KIAA1549: variants seen among roughly 807,000 people sequenced by gnomAD.
KIAA1549 encodes the protein KIAA1549.
Under a neutral mutation model 156.4 loss-of-function variants are expected in KIAA1549, and 70 were observed. The observed-to-expected ratio is 0.45, with a 90% CI of 0.37 to 0.55. KIAA1549 has a LOEUF of 0.55. Ranked by LOEUF, KIAA1549 falls within the 20% of genes least tolerant of loss-of-function variation. The probability of loss-of-function intolerance (pLI) is 0.00; values close to 1 mark genes in which losing one functional copy is unlikely to be tolerated. For missense variants in KIAA1549, 2,428 were observed against 2,540.9 expected (o/e 0.96, Z 0.96); for synonymous variants, 1,103 against 1,066.4 (o/e 1.03, Z -0.67).
At chr7:138,864,549 T>C (rs1810679113) in intron 15 of KIAA1549, among the ~76,000 whole-genome samples, 2 of 152,252 alleles carry the variant, frequency 1.3e-5, no homozygotes, top group South Asian at 2.1e-4. Flanking sequence ...ATTTAGACTA[T>C]AGATGTTTCA....
At chr7:138,965,592 T>C (rs1488135658) in intron 1 of KIAA1549, among the ~76,000 whole-genome samples, 1 of 152,134 alleles carries the variant, frequency 6.6e-6, no homozygotes, top group African/African-American at 2.4e-5. Flanking sequence ...AATAAAATCA[T>C]GGTGTGGATC....
At chr7:138,933,637 T>G (rs925931936) in intron 1 of KIAA1549, among the ~76,000 whole-genome samples, 1 of 152,230 alleles carries the variant, frequency 6.6e-6, no homozygotes, top group African/African-American at 2.4e-5. Flanking sequence ...ATATGGGAAC[T>G]CTGTGCATTA....
chr7:138,878,578 C>G (rs1811153580), intron 12 of KIAA1549, among the ~76,000 whole-genome samples: 1 of 152,058 alleles, frequency 6.6e-6, no homozygotes, highest in African/African-American at 2.4e-5. Flanking sequence ...CTGAGCAACA[C>G]GGTGAAACCT....
At chr7:138,936,465 T>C (rs565933604) in intron 1 of KIAA1549, among the ~76,000 whole-genome samples, 1 of 152,190 alleles carries the variant, frequency 6.6e-6, no homozygotes, top group East Asian at 1.9e-4. Flanking sequence ...TCGCACAACT[T>C]CTGTGAGAGA....
Position 138,951,770 on chromosome 7 carries a change from T to C in KIAA1549, c.187+29313A>G, listed in dbSNP as rs142989867. Among the ~76,000 whole-genome samples the C allele has an allele frequency of 6.2e-3, 938 of 152,276 alleles. 7 individuals carry two copies. Among genetic ancestry groups the C allele is most frequent in the African/African-American group, 0.021 (868 of 41,550 alleles). On this transcript the variant is annotated intron_variant, in intron 1 of 19. Coordinates refer to ENST00000422774, the MANE Select transcript of KIAA1549 (RefSeq NM_001164665.2). Reference sequence around the variant, plus strand: ...CCAACAGAAATTCTATACATCATGATGAGAAAACTATACAAGAAAAGAACA... The same window carrying C: ...CCAACAGAAATTCTATACATCATGACGAGAAAACTATACAAGAAAAGAACA...
chr7:138,967,985 C>T (rs1452924808), intron 1 of KIAA1549, among the ~76,000 whole-genome samples: 1 of 152,228 alleles, frequency 6.6e-6, no homozygotes, highest in Non-Finnish European at 1.5e-5. Flanking sequence ...CTGAGGCTCC[C>T]AGCTCTGAGC....
intron 1 of KIAA1549, among the ~76,000 whole-genome samples, chr7:138,952,280 C>T (rs1047139645): frequency 2.0e-5 from 3 of 152,126 alleles, no homozygotes; most frequent in South Asian, 2.1e-4. Context: ...GCCAGTTGTT[C>T]GTGTAATTAT....
intron 1 of KIAA1549, among the ~76,000 whole-genome samples, chr7:138,933,032 T>C (rs1208544085): frequency 6.6e-6 from 1 of 152,152 alleles, no homozygotes; most frequent in Non-Finnish European, 1.5e-5. Flanking sequence ...GTCGCTGTGC[T>C]GAATGACTCC....
intron 1 of KIAA1549, among the ~76,000 whole-genome samples, chr7:138,965,272 A>C (rs1297370658): frequency 2.6e-5 from 4 of 152,174 alleles, no homozygotes; most frequent in African/African-American, 9.6e-5. Flanking sequence ...GATTGCAATG[A>C]ATGTATATCA....
chr7:138,913,283 T>A (rs1812221387), intron 2 of KIAA1549, among the ~76,000 whole-genome samples: 1 of 152,008 alleles, frequency 6.6e-6, no homozygotes, highest in Non-Finnish European at 1.5e-5. Context: ...AGGTGAAGAG[T>A]TTTTACCACT....
intron 1 of KIAA1549, among the ~76,000 whole-genome samples, chr7:138,979,362 C>A (rs1438778524): frequency 6.6e-6 from 1 of 152,210 alleles, no homozygotes; most frequent in Non-Finnish European, 1.5e-5. Context: ...CTCTGCAGTA[C>A]ACCCAGATGG....
chr7:138,852,139 T>C lies in KIAA1549; in HGVS notation c.5294+84A>G, dbSNP rs1810252676. ...ACGCAGAGTTTTACATCTGCTCATATTAGCTAAAATTAGTGAGTTTATAAA... is the reference window on the plus strand; with the variant it reads ...ACGCAGAGTTTTACATCTGCTCATACTAGCTAAAATTAGTGAGTTTATAAA... On this transcript the variant is annotated intron_variant, in intron 17 of 19. Coordinates refer to ENST00000422774, the MANE Select transcript of KIAA1549 (RefSeq NM_001164665.2). 4 of 859,976 alleles carry C rather than the reference T, an allele frequency of 4.7e-6. No homozygotes were observed. The Admixed American group carries it at 6.7e-5, about 14-fold the overall frequency. 53.3% of individuals were successfully genotyped at this position (859,976 alleles called of 1,614,324 possible). A position where few individuals can be genotyped will look rare whatever the true frequency, so the allele number is the denominator to read the frequency against.
chr7:138,871,095 G>T, intron 13 of KIAA1549, 62 bp downstream of exon 13: 2 of 1,500,774 alleles, frequency 1.3e-6, no homozygotes, highest in Non-Finnish European at 1.8e-6. Flanking sequence ...GGGATTACAG[G>T]CATAAGCCAC....
intron 15 of KIAA1549, among the ~76,000 whole-genome samples, chr7:138,863,485 C>T (rs1324843980): frequency 6.6e-6 from 1 of 152,068 alleles, no homozygotes; most frequent in African/African-American, 2.4e-5. Context: ...GTTCTTAACT[C>T]CAAACTGAGA....
chr7:138,903,811 G>C, intron 7 of KIAA1549, 75 bp from the exon 8 acceptor site: 1 of 200,984 alleles, frequency 5.0e-6, no homozygotes, highest in Non-Finnish European at 8.6e-6. Flanking sequence ...GTGTGTGTGT[G>C]TGTGTGTGTG....
intron 1 of KIAA1549, among the ~76,000 whole-genome samples, chr7:138,969,998 T>C (rs1012767406): frequency 3.9e-5 from 6 of 152,270 alleles, no homozygotes; most frequent in Non-Finnish European, 8.8e-5. Context: ...TAGCTGTTTT[T>C]AAATGTGCAA....
Position 138,838,089 on chromosome 7 carries a change from C to T in KIAA1549, c.5670G>A (p.Glu1890=). 1.3e-6 allele frequency: 2 copies of T among 1,575,552 alleles called. No individual in the cohort carries two copies. The highest frequency in any genetic ancestry group is 1.7e-6 in the Non-Finnish European group (2 of 1,162,742). Residue 1890 remains glutamate, a synonymous_variant, in exon 20 of 20, where the codon GAG becomes GAA. Coordinates refer to ENST00000422774, the MANE Select transcript of KIAA1549 (RefSeq NM_001164665.2). Reference sequence around the variant, plus strand: ...GGAGGTTCCCGGAAGGAGCTGAGGGCTCCCTGCCTGAAGTCCTTGGCACCT... The same window carrying T: ...GGAGGTTCCCGGAAGGAGCTGAGGGTTCCCTGCCTGAAGTCCTTGGCACCT... The part of the protein sequence containing the change: ...LFQVPRTSGR[E]PSAPSGNLPH...
intron 10 of KIAA1549, among the ~76,000 whole-genome samples, chr7:138,892,633 A>G (rs1365745165): frequency 1.3e-5 from 2 of 152,226 alleles, no homozygotes; most frequent in East Asian, 3.9e-4. Flanking sequence ...AATGCTTTTC[A>G]TGTACTTGAT....
chr7:138,947,817 C>G (rs982587295), intron 1 of KIAA1549, among the ~76,000 whole-genome samples: 3 of 151,934 alleles, frequency 2.0e-5, no homozygotes, highest in Non-Finnish European at 4.4e-5. Context: ...GGCTGCAGTA[C>G]AGTGGCACCA....
Sources: gnomAD v4.1 joint callset for allele counts (sites outside exome capture counted in the v4.1 genomes callset) on GRCh38, gnomAD v4.1.1 for gene constraint, MANE v1.5 for transcripts, NCBI Gene and HGNC (gene_info 2026-07-23, HGNC 2026-07-21) for gene names.